The following CEP128 variants were observed in gnomAD, a reference collection of about 807,000 sequenced individuals.
The protein encoded by CEP128 is centrosomal protein 128kDa.
A neutral mutation model predicts 156.7 loss-of-function variants in CEP128; 132 were observed. The observed-to-expected ratio is 0.84, with a 90% CI of 0.73 to 0.97. CEP128 has a LOEUF of 0.97. Among genes scored for constraint, CEP128 ranks in the 50% least tolerant of loss-of-function variants. CEP128 has a pLI of 0.00. For synonymous variants in CEP128, 469 were observed against 448.9 expected, an observed-to-expected ratio of 1.04 and a Z score of -0.57; for missense variants, 1,252 against 1,281.9, an observed-to-expected ratio of 0.98 and a Z score of 0.36.
At position 80,517,193 on chromosome 14, in the gene CEP128, G is replaced by C. The variant is rs545054691; in HGVS notation, c.3072+9676C>G. 3.3e-5 allele frequency among the ~76,000 whole-genome samples: 5 copies of C among 151,574 alleles called. No homozygotes were observed. The South Asian group carries it at 1.0e-3, about 32-fold the overall frequency. On this transcript the variant is annotated intron_variant, in intron 23 of 24. Transcript: ENST00000555265. ...TCTTATTGGTTTTTTCAAAGAACCTGCTTTTAGGTAATTTATTTATTTTTT... is the reference window on the plus strand; with the variant it reads ...TCTTATTGGTTTTTTCAAAGAACCTCCTTTTAGGTAATTTATTTATTTTTT...
chr14:80,568,875 T>C (rs1333064346), intron 20 of CEP128, among the ~76,000 whole-genome samples: 2 of 152,170 alleles, frequency 1.3e-5, no homozygotes, highest in Non-Finnish European at 2.9e-5. Context: ...ACTTATCCTA[T>C]ATGCACTAAA....
At chr14:80,623,422 C>A (rs1174790697) in intron 19 of CEP128, among the ~76,000 whole-genome samples, 2 of 151,458 alleles carry the variant, frequency 1.3e-5, no homozygotes, top group Non-Finnish European at 2.9e-5. Flanking sequence ...AACTAACCTG[C>A]ACATTGTGCA....
At chr14:80,886,129 GT>G (rs1888786522) in intron 8 of CEP128, among the ~76,000 whole-genome samples, 1 of 152,178 alleles carries the variant, frequency 6.6e-6, no homozygotes, top group Non-Finnish European at 1.5e-5. Context: ...ATGGGACTAT[GT>G]GAAAAGACCA....
chr14:80,627,492 G>C (rs919942357), intron 19 of CEP128, among the ~76,000 whole-genome samples: 1 of 152,082 alleles, frequency 6.6e-6, no homozygotes, highest in Non-Finnish European at 1.5e-5. Context: ...GACATTGTAA[G>C]GCCCATTGTA....
chr14:80,516,234 A>G (rs1427093972), intron 23 of CEP128, among the ~76,000 whole-genome samples: 2 of 152,068 alleles, frequency 1.3e-5, no homozygotes, highest in African/African-American at 4.8e-5. Context: ...TTCTCTTCTG[A>G]CCCAGGATCC....
At chr14:80,872,808 G>C (rs1206468033) in intron 8 of CEP128, among the ~76,000 whole-genome samples, 2 of 152,108 alleles carry the variant, frequency 1.3e-5, no homozygotes, top group African/African-American at 4.8e-5. Flanking sequence ...AAACATAAAT[G>C]TTGACTTCAA....
At chr14:80,701,991 C>A (rs1330539285) in intron 19 of CEP128, among the ~76,000 whole-genome samples, 1 of 152,170 alleles carries the variant, frequency 6.6e-6, no homozygotes, top group Admixed American at 6.5e-5. Flanking sequence ...CCTGGCACTT[C>A]CTGAATGGAA....
At chr14:80,553,852 A>G (rs1890316858) in intron 21 of CEP128, among the ~76,000 whole-genome samples, 1 of 152,184 alleles carries the variant, frequency 6.6e-6, no homozygotes, top group Non-Finnish European at 1.5e-5. Flanking sequence ...CAAGAACAGT[A>G]TTTGCAAATA....
intron 9 of CEP128, among the ~76,000 whole-genome samples, chr14:80,853,417 G>C (rs910287430): frequency 1.3e-4 from 20 of 151,658 alleles, no homozygotes; most frequent in African/African-American, 3.9e-4. Context: ...GAAATTATAA[G>C]GACTAATAAG....
chr14:80,563,444 A>G (rs10136913), intron 20 of CEP128, among the ~76,000 whole-genome samples: 85,556 of 151,060 alleles, frequency 0.57, 24,505 homozygotes, highest in East Asian at 0.72. Flanking sequence ...TGTACATTAT[A>G]TGCAACACAC....
chr14:80,850,614 CAAAAG>C (rs1217545306), intron 9 of CEP128, among the ~76,000 whole-genome samples: 3 of 152,206 alleles, frequency 2.0e-5, no homozygotes, highest in Non-Finnish European at 1.5e-5. Flanking sequence ...TGCAGTATCC[CAAAAG>C]AAAAGTCAAT....
intron 20 of CEP128, among the ~76,000 whole-genome samples, chr14:80,568,039 G>A (rs936854073): frequency 6.6e-6 from 1 of 152,156 alleles, no homozygotes; most frequent in African/African-American, 2.4e-5. Flanking sequence ...TTGCAAGAAT[G>A]ATTATGGCAT....
rs550439430 is a variant in CEP128, at chr14:80,705,509, A to T, written c.2806+37566T>A. 2.0e-5 allele frequency among the ~76,000 whole-genome samples: 3 copies of T among 152,192 alleles called. No homozygotes were observed. In the East Asian group the frequency reaches 5.8e-4, roughly 29 times the overall value. On this transcript the variant is annotated intron_variant, in intron 19 of 24. Coordinates refer to ENST00000555265, the MANE Select transcript of CEP128 (RefSeq NM_152446.5). ...TTACAAACATGTGAAAATCTTCAAC[A>T]CTTCCTCCATCAAGAGGTTGAAGAA...
chr14:80,558,196 A>G (rs1890517295), intron 21 of CEP128, among the ~76,000 whole-genome samples: 1 of 152,110 alleles, frequency 6.6e-6, no homozygotes, highest in African/African-American at 2.4e-5. Flanking sequence ...AAATTTTTCC[A>G]TTTAATATTA....
At chr14:80,594,022 T>C (rs1443988623) in intron 19 of CEP128, among the ~76,000 whole-genome samples, 1 of 152,230 alleles carries the variant, frequency 6.6e-6, no homozygotes, top group African/African-American at 2.4e-5. Flanking sequence ...AAGACAATCC[T>C]AAGCAAAAAG....
At chr14:80,566,613 T>C (rs1450861310) in intron 20 of CEP128, among the ~76,000 whole-genome samples, 10 of 152,184 alleles carry the variant, frequency 6.6e-5, no homozygotes, top group Non-Finnish European at 2.9e-5. Context: ...GCATCTGTGA[T>C]TTATATATAA....
intron 13 of CEP128, among the ~76,000 whole-genome samples, chr14:80,799,493 C>A (rs151322222): frequency 0.047 from 7,206 of 152,284 alleles, 190 homozygotes; most frequent in Middle Eastern, 0.061. Flanking sequence ...AGGAAGACAA[C>A]CATAAGGTCT....
At chr14:80,748,744 C>A (rs1406024249) in intron 18 of CEP128, among the ~76,000 whole-genome samples, 3 of 152,116 alleles carry the variant, frequency 2.0e-5, no homozygotes, top group Non-Finnish European at 4.4e-5. Context: ...AGAGATACAC[C>A]TTCTCCTTAA....
rs1361470823 is a variant in CEP128 at position 80,532,008 on chromosome 14, TG to T, written c.2881-1123del. On this transcript the variant is annotated intron_variant, in intron 21 of 24. Coordinates refer to ENST00000555265, the MANE Select transcript of CEP128 (RefSeq NM_152446.5). ...GCTGCCCACCATATTGGATTTCACGTGAGTCACACAATAACCTCTACTGTGT... is the reference window on the plus strand; with the variant it reads ...GCTGCCCACCATATTGGATTTCACGTAGTCACACAATAACCTCTACTGTGT... Among the ~76,000 whole-genome samples the T allele has an allele frequency of 2.0e-5, 3 of 152,266 alleles. No individual in the cohort carries two copies. The East Asian group carries it at 5.8e-4, about 29-fold the overall frequency.
Sources: allele counts gnomAD v4.1 joint callset (sites outside exome capture counted in the v4.1 genomes callset), GRCh38; gene constraint gnomAD v4.1.1; transcripts MANE v1.5; gene names NCBI Gene and HGNC (gene_info 2026-07-23, HGNC 2026-07-21).